LRRK2: variants seen among roughly 807,000 people sequenced by gnomAD.
The protein encoded by LRRK2 is leucine-rich repeat serine/threonine-protein kinase 2.
A neutral mutation model predicts 302.6 loss-of-function variants in LRRK2; 203 were observed. That is an observed-to-expected ratio of 0.67 (90% CI 0.60 to 0.75). The LOEUF is 0.75. Ranked by LOEUF, LRRK2 falls within the 30% of genes least tolerant of loss-of-function variation. The pLI, the probability that LRRK2 is intolerant of heterozygous loss-of-function variation, is 0.00. For missense variants in LRRK2, 2,830 were observed against 2,951.0 expected (o/e 0.96, Z 0.95); for synonymous variants, 1,066 against 1,031.9 (o/e 1.03, Z -0.63).
intron 10 of LRRK2, among the ~76,000 whole-genome samples, chr12:40,251,982 G>C (rs1473474394): frequency 6.6e-6 from 1 of 152,316 alleles, no homozygotes; most frequent in Middle Eastern, 3.4e-3. Context: ...TGATGTGACA[G>C]AGTTGACCTG....
rs1035419834 is a variant in LRRK2, at chr12:40,235,840, T to G, written c.436+126T>G. The G allele has an allele frequency of 3.9e-5, 25 of 646,346 alleles. 2 individuals carry two copies. Among genetic ancestry groups the G allele is most frequent in the African/African-American group, 3.1e-4 (17 of 54,054 alleles). 40.0% of individuals were successfully genotyped at this position (646,346 alleles called of 1,614,324 possible). A position where few individuals can be genotyped will look rare whatever the true frequency, so the allele number is the denominator to read the frequency against. On this transcript the variant is annotated intron_variant, in intron 4 of 50. Coordinates refer to ENST00000298910, the MANE Select transcript of LRRK2 (RefSeq NM_198578.4). The stretch of plus-strand genomic sequence containing the variant: ...AGATCAGGATTAGGGTAGCTTGATT[T>G]AAATGTCCTAAAATTGCATCTGTTT...
rs73106346 is a variant in LRRK2, at chr12:40,243,492, C to T, written c.707-58C>T. On this transcript the variant is annotated intron_variant, in intron 6 of 50. Coordinates refer to ENST00000298910, the MANE Select transcript of LRRK2 (RefSeq NM_198578.4). ...AGTCTATATAAGACGTCTTTGTATG[C>T]ATATTTGAAAGGAGAACATGGTTAC... is the stretch of plus-strand genomic sequence containing the variant. The T allele has an allele frequency of 2.5e-3, 4,022 of 1,584,172 alleles. 69 individuals are homozygous for T. In the African/African-American group the frequency reaches 0.039, roughly 15 times the overall value.
At chr12:40,240,336 A>C in intron 5 of LRRK2, 147 bp from the exon 6 acceptor site, 1 of 747,130 alleles carries the variant, frequency 1.3e-6, no homozygotes, top group Non-Finnish European at 2.2e-6. Context: ...ATTCTTAGGA[A>C]GGGCTGCTTC....
Position 40,287,340 on chromosome 12 carries a change from C to CT in LRRK2, c.2501-9dup, listed in dbSNP as rs36220740. ...TGATTTCTAAGTTGCTGGTGTATCT[C>CT]TTATTTTCAGATATAGCATCTACAC... On this transcript the variant is annotated splice_polypyrimidine_tract_variant and intron_variant, in intron 19 of 50. Coordinates refer to ENST00000298910, the MANE Select transcript of LRRK2 (RefSeq NM_198578.4). 0.46 allele frequency: 735,867 copies of CT among 1,608,110 alleles called. 172,348 individuals are homozygous for CT. Among genetic ancestry groups the CT allele is most frequent in the South Asian group, 0.54 (49,461 of 90,808 alleles).
At chr12:40,280,911 A>C (rs1406781507) in intron 18 of LRRK2, among the ~76,000 whole-genome samples, 2 of 151,756 alleles carry the variant, frequency 1.3e-5, no homozygotes, top group Admixed American at 1.3e-4. Context: ...CTAAAAAAAT[A>C]CAAAAAATTA....
chr12:40,291,079 C>G (rs1362695579), intron 20 of LRRK2, among the ~76,000 whole-genome samples: 1 of 152,020 alleles, frequency 6.6e-6, no homozygotes, highest in Non-Finnish European at 1.5e-5. Context: ...CACATGTACA[C>G]CATGGAATAC....
chr12:40,356,825 T>C (rs529807475), intron 46 of LRRK2, among the ~76,000 whole-genome samples: 1 of 152,328 alleles, frequency 6.6e-6, no homozygotes, highest in East Asian at 1.9e-4. Context: ...TTTTTATGTA[T>C]AATATTTGTA....
At chr12:40,316,784 G>A (rs917681133) in intron 33 of LRRK2, among the ~76,000 whole-genome samples, 3 of 152,056 alleles carry the variant, frequency 2.0e-5, no homozygotes, top group Non-Finnish European at 4.4e-5. Flanking sequence ...TGGAAAGTGT[G>A]TCATGTATGG....
chr12:40,253,156 A>C, intron 11 of LRRK2, 140 bp downstream of exon 11: 1 of 610,948 alleles, frequency 1.6e-6, no homozygotes, highest in Non-Finnish European at 2.9e-6. Context: ...GTAGAGATGT[A>C]TTGACATATG....
At chr12:40,240,713 A>G in intron 6 of LRRK2, 96 bp downstream of exon 6, 1 of 1,209,102 alleles carries the variant, frequency 8.3e-7, no homozygotes, top group East Asian at 2.6e-5. Context: ...ATTATTTAGA[A>G]ACTTGTGGAT....
chr12:40,328,912 C>G (rs1945630411), intron 39 of LRRK2, among the ~76,000 whole-genome samples: 2 of 152,186 alleles, frequency 1.3e-5, no homozygotes, highest in African/African-American at 4.8e-5. Context: ...GCCTAGCAAG[C>G]TCCTGACTTC....
At chr12:40,350,171 G>C (rs182495924) in intron 43 of LRRK2, among the ~76,000 whole-genome samples, 55 of 152,236 alleles carry the variant, frequency 3.6e-4, no homozygotes, top group Non-Finnish European at 5.4e-4. Context: ...AGTCCTTTGG[G>C]GTCCCAGCTT....
intron 14 of LRRK2, among the ~76,000 whole-genome samples, chr12:40,273,977 A>G (rs1358647981): frequency 6.6e-6 from 1 of 152,130 alleles, no homozygotes; most frequent in Non-Finnish European, 1.5e-5. Context: ...TGGGCTTTTA[A>G]GGTGGACACA....
chr12:40,230,560 A>C (rs1031137791), intron 2 of LRRK2, among the ~76,000 whole-genome samples: 4 of 152,078 alleles, frequency 2.6e-5, no homozygotes, highest in Non-Finnish European at 4.4e-5. Context: ...AGTAATTTCA[A>C]CTCACACTGA....
At chr12:40,275,058 G>A (rs1943391843) in intron 16 of LRRK2, 65 bp downstream of exon 16, 1 of 1,572,964 alleles carries the variant, frequency 6.4e-7, no homozygotes, top group African/African-American at 1.4e-5. Context: ...AGCAGTTTGT[G>A]TAATTCCCAC....
intron 23 of LRRK2, 67 bp from the exon 24 acceptor site, chr12:40,298,176 G>T: frequency 6.4e-7 from 1 of 1,555,024 alleles, no homozygotes; most frequent in Non-Finnish European, 8.8e-7. Context: ...GTGTAAGGCA[G>T]AAATATTAGC....
chr12:40,367,534 A>G, intron 50 of LRRK2, 110 bp from the exon 51 acceptor site: 1 of 1,014,972 alleles, frequency 9.9e-7, no homozygotes, highest in South Asian at 1.8e-5. Flanking sequence ...AGCTGTGTTT[A>G]TATTTACATT....
intron 5 of LRRK2, among the ~76,000 whole-genome samples, chr12:40,239,613 T>C (rs1213340589): frequency 6.6e-6 from 1 of 152,176 alleles, no homozygotes; most frequent in Admixed American, 6.6e-5. Context: ...GAAAAATTTC[T>C]GATTTTTCCA....
At chr12:40,293,434 C>T (rs1944240520) in intron 20 of LRRK2, 111 bp from the exon 21 acceptor site, 6 of 681,536 alleles carry the variant, frequency 8.8e-6, no homozygotes, top group South Asian at 6.6e-5. Flanking sequence ...GTGAAATTTC[C>T]ATTAATAAAA....
Sources: gnomAD v4.1 joint callset for allele counts (sites outside exome capture counted in the v4.1 genomes callset) on GRCh38, gnomAD v4.1.1 for gene constraint, MANE v1.5 for transcripts, NCBI Gene and HGNC (gene_info 2026-07-23, HGNC 2026-07-21) for gene names.